The following CFAP53 variants were observed in gnomAD, a reference collection of about 807,000 sequenced individuals.
The protein encoded by CFAP53 is cilia and flagella associated protein 53, also known as cilia- and flagella-associated protein 53.
A neutral mutation model predicts 59.7 loss-of-function variants in CFAP53; 62 were observed. The observed-to-expected ratio is 1.04, with a 90% CI of 0.85 to 1.28. The LOEUF (loss-of-function observed/expected upper bound fraction) is 1.28. CFAP53 is among the 50% of genes most tolerant of loss of function. CFAP53 has a pLI of 0.00. For missense variants in CFAP53, 629 were observed against 615.6 expected, an observed-to-expected ratio of 1.02 and a Z score of -0.23; for synonymous variants, 218 against 205.7, an observed-to-expected ratio of 1.06 and a Z score of -0.51.
Position 50,251,650 on chromosome 18 carries a change from T to G in CFAP53, c.608A>C (p.Lys203Thr). Residue 203 changes from lysine to threonine, a missense_variant, in exon 4 of 8, where the codon AAA becomes ACA. Lys to Thr is a moderately conservative substitution (Grantham distance 78). Transcript: ENST00000398545. ...GGCTAATCGGTCTTCCTCCCAGAGT[T>G]TGGAGAACATCTGCTCTTCCACCAG... ...QKLVEEQMFS[K>T]LWEEDRLAKE... 1 of 1,614,216 alleles carries G rather than the reference T, an allele frequency of 6.2e-7. No homozygotes were observed. The highest frequency in any genetic ancestry group is 8.5e-7 in the Non-Finnish European group (1 of 1,180,042).
chr18:50,243,844 C>T lies in CFAP53; in HGVS notation c.997-728G>A, dbSNP rs192054795. ...GTGGGCGCCTGTAGTCCCAGCTACTCGGGAGGCTGAGGCAGGAGAATGGCG... is the reference window on the plus strand; with the variant it reads ...GTGGGCGCCTGTAGTCCCAGCTACTTGGGAGGCTGAGGCAGGAGAATGGCG... On this transcript the variant is annotated intron_variant, in intron 5 of 7. Coordinates refer to ENST00000398545, the MANE Select transcript of CFAP53 (RefSeq NM_145020.5). 1.3e-4 allele frequency among the ~76,000 whole-genome samples: 19 copies of T among 151,650 alleles called. No homozygotes were observed. The East Asian group carries it at 2.7e-3, about 22-fold the overall frequency.
At chr18:50,253,484 A>C (rs1206337189) in intron 3 of CFAP53, among the ~76,000 whole-genome samples, 1 of 152,162 alleles carries the variant, frequency 6.6e-6, no homozygotes, top group Non-Finnish European at 1.5e-5. Context: ...AGACTCAGGG[A>C]GCCTAAGTGT....
intron 5 of CFAP53, among the ~76,000 whole-genome samples, chr18:50,246,286 A>G (rs1414020343): frequency 6.6e-6 from 1 of 152,214 alleles, no homozygotes; most frequent in Non-Finnish European, 1.5e-5. Flanking sequence ...ATATAGATTG[A>G]TGGAATAGAA....
At chr18:50,227,645 AAAGT>A (rs752463965) in intron 7 of CFAP53, 36 bp from the exon 8 acceptor site, 4 of 1,445,084 alleles carry the variant, frequency 2.8e-6, no homozygotes, top group Non-Finnish European at 3.9e-6. Context: ...TAAAATTATA[AAAGT>A]AAGCATTTAG....
chr18:50,248,448 AT>A (rs2033766840), intron 5 of CFAP53, among the ~76,000 whole-genome samples: 1 of 152,218 alleles, frequency 6.6e-6, no homozygotes, highest in African/African-American at 2.4e-5. Context: ...TGCAATTACT[AT>A]ATGACATAGC....
rs758143103 is a variant in CFAP53 at position 50,227,406 on chromosome 18, G to A, written c.1520C>T (p.Ala507Val). 67 of 1,613,732 alleles carry A rather than the reference G, an allele frequency of 4.2e-5. No individual in the cohort carries two copies. Among genetic ancestry groups the A allele is most frequent in the Non-Finnish European group, 5.5e-5 (65 of 1,179,712 alleles). Residue 507 changes from alanine (A) to valine (V), a missense_variant, in exon 8 of 8, where the codon GCA becomes GTA. Ala to Val is a moderately conservative substitution (Grantham distance 64). Coordinates refer to ENST00000398545, the MANE Select transcript of CFAP53 (RefSeq NM_145020.5). The part of the protein sequence containing the change: ...LPQNIHPMRK[A>V]CPSKLPP Reference sequence around the variant, plus strand: ...CTACGGTGGAAGCTTACTGGGGCATGCCTTGCGCATGGGATGAATGTTTTG... The same window carrying A: ...CTACGGTGGAAGCTTACTGGGGCATACCTTGCGCATGGGATGAATGTTTTG...
chr18:50,228,353 T>C (rs2033547123), intron 7 of CFAP53, among the ~76,000 whole-genome samples: 1 of 152,168 alleles, frequency 6.6e-6, no homozygotes, highest in Non-Finnish European at 1.5e-5. Context: ...CCTGCAGTGA[T>C]CTCATGCTGC....
Position 50,227,548 on chromosome 18 carries a change from G to C in CFAP53, c.1378C>G (p.Gln460Glu). The C allele has an allele frequency of 6.2e-7, 1 of 1,614,172 alleles. No individual in the cohort carries two copies. Among genetic ancestry groups the C allele is most frequent in the Non-Finnish European group, 8.5e-7 (1 of 1,180,016 alleles). The change falls in exon 8 of 8, where the codon CAG becomes GAG. Residue 460 changes from glutamine to glutamate, a missense_variant. Coordinates refer to ENST00000398545, the MANE Select transcript of CFAP53 (RefSeq NM_145020.5). ...QLQMQIAYQQ[Q>E]SQEAEKEEKR... is the part of the protein sequence containing the mutation. ...TCTTCCTTCTCTGCTTCTTGGGACTGCTGCTGGTAGGCGATTTGCATCTGA... is the reference window on the plus strand; with the variant it reads ...TCTTCCTTCTCTGCTTCTTGGGACTCCTGCTGGTAGGCGATTTGCATCTGA...
chr18:50,261,210 T>G lies in CFAP53; in HGVS notation c.327A>C (p.Glu109Asp), dbSNP rs1315795159. ...NKLRELLALEENEYFTEMQLK... is the reference protein window; with the variant it reads ...NKLRELLALEDNEYFTEMQLK... Reference sequence around the variant, plus strand: ...ATTGCATTTCTGTAAAATACTCATTTTCTTCTAATGCTAAAAGCTCACGTA... The same window carrying G: ...ATTGCATTTCTGTAAAATACTCATTGTCTTCTAATGCTAAAAGCTCACGTA... Residue 109 changes from glutamate (E) to aspartate (D), a missense_variant, in exon 3 of 8, where the codon GAA becomes GAC. Coordinates refer to ENST00000398545, the MANE Select transcript of CFAP53 (RefSeq NM_145020.5). 1 of 1,568,304 alleles carries G rather than the reference T, an allele frequency of 6.4e-7. No homozygotes were observed. Among genetic ancestry groups the G allele is most frequent in the East Asian group, 2.3e-5 (1 of 43,326 alleles).
chr18:50,261,278 T>C (rs1224244972), intron 2 of CFAP53, 41 bp from the exon 3 acceptor site: 2 of 1,407,024 alleles, frequency 1.4e-6, no homozygotes, highest in East Asian at 2.4e-5. Flanking sequence ...AAAAGAAAAC[T>C]GTCATGCTAC....
In CFAP53 at chr18:50,247,039, AT is replaced by A. The variant is rs1334824275; in HGVS notation, c.996+3718del. On this transcript the variant is annotated intron_variant, in intron 5 of 7. Transcript: ENST00000398545. The stretch of plus-strand genomic sequence containing the variant: ...CTCCAGCCTGGGCGACAAGAGTGAG[AT>A]TTAAAAAAAAAAAAAAGAACTCTTA... 2.0e-5 allele frequency among the ~76,000 whole-genome samples: 3 copies of A among 151,838 alleles called. No homozygotes were observed. In the East Asian group the frequency reaches 5.8e-4, roughly 29 times the overall value.
At chr18:50,242,201 T>G (rs572456319) in intron 6 of CFAP53, among the ~76,000 whole-genome samples, 1 of 152,214 alleles carries the variant, frequency 6.6e-6, no homozygotes, top group African/African-American at 2.4e-5. Context: ...TCAGGGTGCA[T>G]TGATTTCATA....
intron 5 of CFAP53, among the ~76,000 whole-genome samples, chr18:50,249,628 A>AT (rs2033779059): frequency 6.6e-6 from 1 of 152,222 alleles, no homozygotes. Context: ...ATCTGAAAAG[A>AT]TTACACACTA....
chr18:50,249,122 G>C (rs1290876381), intron 5 of CFAP53, among the ~76,000 whole-genome samples: 2 of 147,624 alleles, frequency 1.4e-5, no homozygotes, highest in Non-Finnish European at 3.0e-5. Flanking sequence ...AAAAGCGCTT[G>C]AACCCATGAG....
At chr18:50,250,244 G>A (rs1337785350) in intron 5 of CFAP53, among the ~76,000 whole-genome samples, 1 of 150,142 alleles carries the variant, frequency 6.7e-6, no homozygotes, top group South Asian at 2.1e-4. Flanking sequence ...AAAAGAGAGA[G>A]AGAGAGAGAA....
rs527737083 is a variant in CFAP53, at chr18:50,265,237, A to G, written c.69+1099T>C. Among the ~76,000 whole-genome samples, 7 of 152,368 alleles carry G rather than the reference A, an allele frequency of 4.6e-5. No homozygotes were observed. The South Asian group carries it at 1.5e-3, about 32-fold the overall frequency. On this transcript the variant is annotated intron_variant, in intron 1 of 7. Transcript: ENST00000398545. ...GCTTTTTGAGCACCCACATGATGAC[A>G]TAAGTGGAAAATTTCACACCTGACC... is the stretch of plus-strand genomic sequence containing the variant.
At chr18:50,241,989 A>G (rs981012602) in intron 6 of CFAP53, among the ~76,000 whole-genome samples, 9 of 152,174 alleles carry the variant, frequency 5.9e-5, no homozygotes, top group African/African-American at 2.2e-4. Flanking sequence ...ACACTCCCAG[A>G]GCAGCTGTCT....
chr18:50,244,035 C>T (rs993751790), intron 5 of CFAP53, among the ~76,000 whole-genome samples: 1 of 152,074 alleles, frequency 6.6e-6, no homozygotes, highest in East Asian at 1.9e-4. Flanking sequence ...CTTTTACGTT[C>T]CCCCAGGTGA....
Position 50,238,592 on chromosome 18 carries a change from C to T in CFAP53, c.1316+11G>A. 6.3e-7 allele frequency: 1 copy of T among 1,599,292 alleles called. No individual in the cohort carries two copies. The highest frequency in any genetic ancestry group is 8.5e-7 in the Non-Finnish European group (1 of 1,170,024). ...AGGTAGCAAATGATGATACAGAAAA[C>T]AAAATCATACCTTGCAAAATTCTCC... On this transcript the variant is annotated intron_variant, in intron 7 of 7. Coordinates refer to ENST00000398545, the MANE Select transcript of CFAP53 (RefSeq NM_145020.5).
Sources: gnomAD v4.1 joint callset for allele counts (sites outside exome capture counted in the v4.1 genomes callset) on GRCh38, gnomAD v4.1.1 for gene constraint, MANE v1.5 for transcripts, NCBI Gene and HGNC (gene_info 2026-07-23, HGNC 2026-07-21) for gene names.